Variants in STARD13 observed in about 807,000 individuals in gnomAD.
The protein encoded by STARD13 is StAR related lipid transfer domain containing 13, also known as stAR-related lipid transfer protein 13.
STARD13 carries 62 observed loss-of-function variants against 106.4 expected under a neutral mutation model. The ratio of observed to expected loss-of-function variants is 0.58; its 90% CI spans 0.48 to 0.72. The LOEUF is 0.72. STARD13 is among the 30% of genes least tolerant of loss of function. STARD13 has a pLI of 0.00. For synonymous variants in STARD13, 565 were observed against 553.0 expected (o/e 1.02, Z -0.31); for missense variants, 1,387 against 1,424.0 (o/e 0.97, Z 0.42).
At chr13:33,368,129 C>T in the STARD13 span, among the ~76,000 whole-genome samples, 1 of 152,126 alleles carries the variant, frequency 6.6e-6, no homozygotes, top group African/African-American at 2.4e-5. Flanking sequence ...GAGTAAACCC[C>T]ATGACTCATA....
At chr13:33,528,169 T>TTATATATA in the STARD13 span, among the ~76,000 whole-genome samples, 615 of 129,022 alleles carry the variant, frequency 4.8e-3, 8 homozygotes, top group African/African-American at 0.017. Context: ...TAAGCTAATA[T>TTATATATA]TATATATATA....
chr13:33,368,064 A>T, the STARD13 span, among the ~76,000 whole-genome samples: 1 of 151,868 alleles, frequency 6.6e-6, no homozygotes, highest in Non-Finnish European at 1.5e-5. Context: ...CTGCTGTTTG[A>T]TACTGCTTGT....
chr13:33,554,827 T>C, the STARD13 span, among the ~76,000 whole-genome samples: 2 of 152,154 alleles, frequency 1.3e-5, no homozygotes, highest in Admixed American at 1.3e-4. Context: ...GGTGAAGTAA[T>C]TTTCCAGTAA....
intron 4 of STARD13, among the ~76,000 whole-genome samples, chr13:33,133,902 G>A (rs1878697016): frequency 6.6e-6 from 1 of 152,124 alleles, no homozygotes; most frequent in African/African-American, 2.4e-5. Context: ...GGTATTTATG[G>A]AAGTGTACTG....
the STARD13 span, among the ~76,000 whole-genome samples, chr13:33,385,783 C>A: frequency 1.3e-5 from 2 of 149,970 alleles, no homozygotes; most frequent in South Asian, 4.2e-4. Context: ...TCACTTGAGT[C>A]CGGGTTGCAG....
chr13:33,163,080 C>T (rs945288538), intron 3 of STARD13, among the ~76,000 whole-genome samples: 2 of 152,048 alleles, frequency 1.3e-5, no homozygotes, highest in Admixed American at 1.3e-4. Context: ...ATGGTGGTGG[C>T]AAGAGAAAAT....
In STARD13 at chr13:33,141,645, C is replaced by T. The variant is rs1353093254; in HGVS notation, c.387+665G>A. The stretch of plus-strand genomic sequence containing the variant: ...CACACCGTCCCTGGGCCCCCTCATA[C>T]ATTATCAGCTGAATCTGCCTGATAG... On this transcript the variant is annotated intron_variant, in intron 4 of 13. Transcript: ENST00000336934. Among the ~76,000 whole-genome samples the T allele has an allele frequency of 7.2e-5, 11 of 152,124 alleles. No individual in the cohort carries two copies. In the East Asian group the frequency reaches 1.2e-3, roughly 16 times the overall value.
chr13:33,524,347 G>A, the STARD13 span: 1 of 1,072,750 alleles, frequency 9.3e-7, no homozygotes. Flanking sequence ...ATTTTTCTTA[G>A]GATTACTCTC....
rs1410867525 is a variant in STARD13, at chr13:33,117,527, C to A, written c.2281+538G>T. On this transcript the variant is annotated intron_variant, in intron 8 of 13. Coordinates refer to ENST00000336934, the MANE Select transcript of STARD13 (RefSeq NM_178006.4). ...TATACAGGCTTTGCTGAGAACTTAA[C>A]ATTATTAAAAAAAATCCAAGTGAAA... 4.1e-6 allele frequency: 3 copies of A among 727,286 alleles called. No individual in the cohort carries two copies. In the Admixed American group the frequency reaches 1.9e-4, roughly 46 times the overall value. 45.1% of individuals were successfully genotyped at this position (727,286 alleles called of 1,614,324 possible). A position where few individuals can be genotyped will look rare whatever the true frequency, so the allele number is the denominator to read the frequency against.
At chr13:33,285,947 G>T (rs976337018), upstream of STARD13, among the ~76,000 whole-genome samples, 3 of 151,910 alleles carry the variant, frequency 2.0e-5, no homozygotes, top group Non-Finnish European at 4.4e-5. Flanking sequence ...CGTATTTGAC[G>T]TGCCTCAGAG....
At chr13:33,464,666 A>G in the STARD13 span, among the ~76,000 whole-genome samples, 1 of 152,154 alleles carries the variant, frequency 6.6e-6, no homozygotes, top group Non-Finnish European at 1.5e-5. Context: ...CTGGCCAACA[A>G]TGCACAAACT....
At chr13:33,320,458 A>G (rs1004279054) in intron 1 of STARD13, among the ~76,000 whole-genome samples, 5 of 152,144 alleles carry the variant, frequency 3.3e-5, no homozygotes, top group East Asian at 3.9e-4. Flanking sequence ...TTAGCTATGT[A>G]GTATGTATTA....
the STARD13 span, among the ~76,000 whole-genome samples, chr13:33,371,452 A>G: frequency 6.6e-6 from 1 of 152,232 alleles, no homozygotes; most frequent in Non-Finnish European, 1.5e-5. Flanking sequence ...GTTAAGAAAA[A>G]TTTCAACATA....
At chr13:33,179,642 G>A (rs1028575688) in intron 1 of STARD13, among the ~76,000 whole-genome samples, 2 of 152,162 alleles carry the variant, frequency 1.3e-5, no homozygotes, top group Admixed American at 6.5e-5. Context: ...GAAGGTGAAT[G>A]CAAGGCTGTG....
intron 1 of STARD13, among the ~76,000 whole-genome samples, chr13:33,175,810 CGTG>C (rs1475842277): frequency 6.6e-6 from 1 of 152,120 alleles, no homozygotes; most frequent in Non-Finnish European, 1.5e-5. Flanking sequence ...TAAAAAAATG[CGTG>C]TTTTTAGGGA....
the STARD13 span, among the ~76,000 whole-genome samples, chr13:33,462,673 G>A: frequency 2.4e-4 from 36 of 152,364 alleles, no homozygotes; most frequent in South Asian, 1.0e-3. Flanking sequence ...GGAGTCTGAC[G>A]TTCAAGGGCA....
At chr13:33,298,588 TA>T (rs993433886) in intron 1 of STARD13, among the ~76,000 whole-genome samples, 21 of 150,676 alleles carry the variant, frequency 1.4e-4, no homozygotes, top group African/African-American at 4.1e-4. Context: ...TTCCATATCT[TA>T]AAAAAAAAGG....
the STARD13 span, among the ~76,000 whole-genome samples, chr13:33,658,855 A>G: frequency 6.6e-6 from 1 of 152,134 alleles, no homozygotes; most frequent in African/African-American, 2.4e-5. Flanking sequence ...GGAAGAGGAG[A>G]GGTGCTAGAG....
exon 2 of STARD13, chr13:33,348,939 C>T: frequency 3.5e-6 from 2 of 564,118 alleles, no homozygotes; most frequent in South Asian, 4.3e-5. Context: ...TCTAATTTAG[C>T]TTGCTAGTGA....
Sources: gnomAD v4.1 joint callset for allele counts (sites outside exome capture counted in the v4.1 genomes callset) on GRCh38, gnomAD v4.1.1 for gene constraint, MANE v1.5 for transcripts, NCBI Gene and HGNC (gene_info 2026-07-23, HGNC 2026-07-21) for gene names.